TAOK1: variants seen among roughly 807,000 people sequenced by gnomAD.
The protein encoded by TAOK1 is serine/threonine-protein kinase TAO1.
Under a neutral mutation model 138.3 loss-of-function variants are expected in TAOK1, and 21 were observed. The ratio of observed to expected loss-of-function variants is 0.15; its 90% CI spans 0.11 to 0.22. TAOK1 has a LOEUF of 0.22. Among genes scored for constraint, TAOK1 ranks in the 10% least tolerant of loss-of-function variants. The pLI is 1.00. For synonymous variants in TAOK1, 361 were observed against 398.4 expected, an observed-to-expected ratio of 0.91 and a Z score of 1.12; for missense variants, 651 against 1,227.7, an observed-to-expected ratio of 0.53 and a Z score of 7.02.
At position 29,442,389 on chromosome 17, in the gene TAOK1, GT is replaced by G. The variant is rs531137552; in HGVS notation, c.-94-9052del. Among the ~76,000 whole-genome samples, 675 of 130,420 alleles carry G rather than the reference GT, an allele frequency of 5.2e-3. 6 individuals carry two copies. Among genetic ancestry groups the G allele is most frequent in the African/African-American group, 8.2e-3 (296 of 35,986 alleles). The allele number at this position is 130,420 out of a possible 152,430, so 85.6% of individuals were successfully genotyped here. A position where few individuals can be genotyped will look rare whatever the true frequency, so the allele number is the denominator to read the frequency against. Reference sequence around the variant, plus strand: ...CTCTTTTTATGGTTTATTTTTTTCTGTTTTTTTTTTTTTTAACATTTTCTAT... The same window carrying G: ...CTCTTTTTATGGTTTATTTTTTTCTGTTTTTTTTTTTTTAACATTTTCTAT... On this transcript the variant is annotated intron_variant, in intron 1 of 19. Coordinates refer to ENST00000261716, the MANE Select transcript of TAOK1 (RefSeq NM_020791.4).
At chr17:29,409,718 T>TC (rs1475719083) in intron 1 of TAOK1, among the ~76,000 whole-genome samples, 1 of 152,228 alleles carries the variant, frequency 6.6e-6, no homozygotes, top group Non-Finnish European at 1.5e-5. Context: ...TAATCTCTTT[T>TC]CTCACCTATA....
At chr17:29,501,004 A>G (rs1350456303) in intron 12 of TAOK1, among the ~76,000 whole-genome samples, 1 of 152,110 alleles carries the variant, frequency 6.6e-6, no homozygotes, top group Non-Finnish European at 1.5e-5. Flanking sequence ...TAATGGATGC[A>G]GAGTTTCTGT....
intron 1 of TAOK1, among the ~76,000 whole-genome samples, chr17:29,398,196 A>G (rs75017952): frequency 0.013 from 2,016 of 151,638 alleles, 46 homozygotes; most frequent in African/African-American, 0.045. Context: ...TTAACTATTT[A>G]TGCCTCACCT....
chr17:29,516,912 T>G (rs2031826454), intron 15 of TAOK1, among the ~76,000 whole-genome samples: 1 of 152,054 alleles, frequency 6.6e-6, no homozygotes, highest in African/African-American at 2.4e-5. Context: ...AACCCCTGCC[T>G]CCTGGGCTCA....
intron 11 of TAOK1, among the ~76,000 whole-genome samples, chr17:29,495,985 A>G (rs567061295): frequency 3.4e-4 from 52 of 152,310 alleles, no homozygotes; most frequent in African/African-American, 1.3e-3. Context: ...CCTTTATGGT[A>G]CACAATGTCA....
chr17:29,418,760 G>A (rs1227417178), intron 1 of TAOK1, among the ~76,000 whole-genome samples: 1 of 152,078 alleles, frequency 6.6e-6, no homozygotes, highest in Non-Finnish European at 1.5e-5. Context: ...TTTGCTTTTT[G>A]GAACTTTGTG....
chr17:29,520,468 C>T (rs2031894220), intron 16 of TAOK1, among the ~76,000 whole-genome samples: 1 of 151,436 alleles, frequency 6.6e-6, no homozygotes, highest in Admixed American at 6.6e-5. Context: ...GGCTGGAATG[C>T]AGTGGTGTGA....
intron 1 of TAOK1, among the ~76,000 whole-genome samples, chr17:29,432,892 T>C (rs1359749957): frequency 6.6e-6 from 1 of 152,066 alleles, no homozygotes; most frequent in Non-Finnish European, 1.5e-5. Context: ...CCTGAGTAGT[T>C]AGGACTGCAG....
At chr17:29,427,532 A>C (rs1905681444) in intron 1 of TAOK1, among the ~76,000 whole-genome samples, 1 of 151,446 alleles carries the variant, frequency 6.6e-6, no homozygotes, top group Non-Finnish European at 1.5e-5. Context: ...CGTCTCAAAA[A>C]AAAAAAAAAA....
At chr17:29,467,063 T>A (rs543603977) in intron 2 of TAOK1, 82 bp from the exon 3 acceptor site, 1 of 1,057,276 alleles carries the variant, frequency 9.5e-7, no homozygotes, top group Admixed American at 2.4e-5. Flanking sequence ...AGTTTACAAA[T>A]GCTTTTATAT....
intron 12 of TAOK1, among the ~76,000 whole-genome samples, chr17:29,501,594 C>G: frequency 6.6e-6 from 1 of 152,142 alleles, no homozygotes; most frequent in East Asian, 1.9e-4. Context: ...AAAGATAGCT[C>G]CATTGCTTCC....
rs562383530 is a variant in TAOK1 at position 29,402,454 on chromosome 17, C to T, written c.-95+11430C>T. 1.3e-3 allele frequency among the ~76,000 whole-genome samples: 205 copies of T among 152,158 alleles called. 1 individual carries two copies. Among genetic ancestry groups the T allele is most frequent in the African/African-American group, 4.7e-3 (194 of 41,496 alleles). On this transcript the variant is annotated intron_variant, in intron 1 of 19. Coordinates refer to ENST00000261716, the MANE Select transcript of TAOK1 (RefSeq NM_020791.4). ...AGTAGCTGAGACTACAGTCATGCGCCACCATACCTGACTAATTCTTTTGTA... is the reference window on the plus strand; with the variant it reads ...AGTAGCTGAGACTACAGTCATGCGCTACCATACCTGACTAATTCTTTTGTA...
intron 18 of TAOK1, among the ~76,000 whole-genome samples, chr17:29,533,068 CT>C: frequency 7.2e-6 from 1 of 138,772 alleles, no homozygotes; most frequent in Non-Finnish European, 1.6e-5. Context: ...GGAGATGCTC[CT>C]CACTTCCCAG....
At chr17:29,401,032 C>T (rs1904823500) in intron 1 of TAOK1, among the ~76,000 whole-genome samples, 1 of 151,228 alleles carries the variant, frequency 6.6e-6, no homozygotes, top group African/African-American at 2.4e-5. Flanking sequence ...ACCTCAGCCT[C>T]CTGAGTAACT....
intron 12 of TAOK1, among the ~76,000 whole-genome samples, chr17:29,500,169 C>T (rs1410294605): frequency 1.3e-5 from 2 of 151,956 alleles, no homozygotes; most frequent in Non-Finnish European, 2.9e-5. Flanking sequence ...TAAAAATTAG[C>T]TCGGCATGGT....
rs2032478284 is a variant in TAOK1, at chr17:29,550,769, G to A, written c.*7747G>A. Reference sequence around the variant, plus strand: ...TAGTTTTATGTACTCATTTCCCTTTGTTTTCCTCAAACAGCATGATTTTTT... The same window carrying A: ...TAGTTTTATGTACTCATTTCCCTTTATTTTCCTCAAACAGCATGATTTTTT... On this transcript the variant is annotated 3_prime_UTR_variant, in exon 20 of 20. Transcript: ENST00000261716. The A allele has an allele frequency of 6.6e-6, 1 of 152,106 alleles. No individual in the cohort carries two copies. The highest frequency in any genetic ancestry group is 6.6e-5 in the Admixed American group (1 of 15,250). 9.4% of individuals were successfully genotyped at this position (152,106 alleles called of 1,614,324 possible). A position where few individuals can be genotyped will look rare whatever the true frequency, so the allele number is the denominator to read the frequency against.
chr17:29,516,825 G>A (rs1229902509), intron 15 of TAOK1, among the ~76,000 whole-genome samples: 2 of 151,516 alleles, frequency 1.3e-5, no homozygotes, highest in Non-Finnish European at 2.9e-5. Context: ...TGTTGTTGTT[G>A]TTGGTTTTTT....
At chr17:29,405,420 A>G (rs1422319817) in intron 1 of TAOK1, among the ~76,000 whole-genome samples, 1 of 152,194 alleles carries the variant, frequency 6.6e-6, no homozygotes, top group Admixed American at 6.5e-5. Context: ...ATAATTTGTA[A>G]TTTGTTGGTA....
At chr17:29,448,173 C>T (rs1036594109) in intron 1 of TAOK1, among the ~76,000 whole-genome samples, 1 of 151,544 alleles carries the variant, frequency 6.6e-6, no homozygotes, top group Non-Finnish European at 1.5e-5. Context: ...TATTTCCTCC[C>T]AGTACTCGTA....
Sources: gnomAD v4.1 joint callset for allele counts (sites outside exome capture counted in the v4.1 genomes callset) on GRCh38, gnomAD v4.1.1 for gene constraint, MANE v1.5 for transcripts, NCBI Gene and HGNC (gene_info 2026-07-23, HGNC 2026-07-21) for gene names.